DNAJC12: variants seen among roughly 807,000 people sequenced by gnomAD.
DNAJC12 encodes the protein dnaJ homolog subfamily C member 12.
Under a neutral mutation model 28.5 loss-of-function variants are expected in DNAJC12, and 25 were observed. That is an observed-to-expected ratio of 0.88 (90% CI 0.64 to 1.22). The LOEUF (loss-of-function observed/expected upper bound fraction) is 1.22. Among genes scored for constraint, DNAJC12 ranks in the 50% most tolerant of loss-of-function variants. DNAJC12 has a pLI of 0.00. For missense variants in DNAJC12, 222 were observed against 231.7 expected (o/e 0.96, Z 0.27); for synonymous variants, 77 against 80.6 (o/e 0.95, Z 0.24).
chr10:67,798,918 C>T (rs2131785403), intron 4 of DNAJC12, among the ~76,000 whole-genome samples: 1 of 152,176 alleles, frequency 6.6e-6, no homozygotes, highest in Non-Finnish European at 1.5e-5. Context: ...GCATGAGCCA[C>T]CACACCCGGC....
chr10:67,816,377 G>A (rs969391557), intron 2 of DNAJC12, among the ~76,000 whole-genome samples: 1 of 151,286 alleles, frequency 6.6e-6, no homozygotes, highest in Non-Finnish European at 1.5e-5. Flanking sequence ...TATTATATGG[G>A]GAAAAACAGT....
chr10:67,811,269 A>G, intron 3 of DNAJC12: 1 of 1,262,946 alleles, frequency 7.9e-7, no homozygotes, highest in Non-Finnish European at 1.0e-6. Flanking sequence ...AATAACAGGG[A>G]GTGTGTATAC....
intron 1 of DNAJC12, among the ~76,000 whole-genome samples, chr10:67,828,263 A>G (rs1285446139): frequency 6.6e-6 from 1 of 152,066 alleles, no homozygotes. Flanking sequence ...TGAGACATAT[A>G]TGTTTGTATG....
At position 67,833,310 on chromosome 10, in the gene DNAJC12, G is replaced by A. The variant is rs77971015; in HGVS notation, c.78+4624C>T. Among the ~76,000 whole-genome samples the A allele has an allele frequency of 7.0e-3, 1,068 of 152,266 alleles. 16 individuals carry two copies. The highest frequency in any genetic ancestry group is 0.024 in the African/African-American group (1,002 of 41,544). ...TCTATGGCTGTTTTCTCCAATGGCA[G>A]AGCTGAGTAGTTAGGACAGAGACTG... On this transcript the variant is annotated intron_variant, in intron 1 of 4. Transcript: ENST00000225171.
chr10:67,826,968 CATG>C (rs1056061357), intron 1 of DNAJC12, among the ~76,000 whole-genome samples: 37 of 131,904 alleles, frequency 2.8e-4, no homozygotes, highest in Admixed American at 5.2e-4. Flanking sequence ...TTATATATAT[CATG>C]ATATATTATA....
At chr10:67,807,760 A>G (rs1841818041) in intron 3 of DNAJC12, among the ~76,000 whole-genome samples, 1 of 152,216 alleles carries the variant, frequency 6.6e-6, no homozygotes, top group Non-Finnish European at 1.5e-5. Flanking sequence ...TCTTGAAATC[A>G]AAGTACCTGT....
chr10:67,836,705 A>G (rs1226208799), intron 1 of DNAJC12, among the ~76,000 whole-genome samples: 3 of 152,108 alleles, frequency 2.0e-5, no homozygotes, highest in Admixed American at 6.6e-5. Flanking sequence ...TTTAATTTCA[A>G]CGTGTCTAAG....
chr10:67,823,827 A>G (rs973837207), intron 1 of DNAJC12, among the ~76,000 whole-genome samples: 7 of 152,192 alleles, frequency 4.6e-5, no homozygotes, highest in African/African-American at 1.7e-4. Context: ...TTTTTCCTCT[A>G]AGAAATAATA....
chr10:67,809,498 A>T (rs929765817), intron 3 of DNAJC12, among the ~76,000 whole-genome samples: 1 of 152,178 alleles, frequency 6.6e-6, no homozygotes, highest in Non-Finnish European at 1.5e-5. Context: ...TATTTTTACC[A>T]ATTAAACTAG....
At chr10:67,836,742 G>A (rs1023719621) in intron 1 of DNAJC12, among the ~76,000 whole-genome samples, 1 of 151,982 alleles carries the variant, frequency 6.6e-6, no homozygotes, top group Non-Finnish European at 1.5e-5. Flanking sequence ...GGCAAAAATA[G>A]AGATTTTAAT....
intron 3 of DNAJC12, 42 bp downstream of exon 3, chr10:67,811,482 C>T (rs1841857501): frequency 6.2e-7 from 1 of 1,612,656 alleles, no homozygotes; most frequent in Non-Finnish European, 8.5e-7. Context: ...CATGGGCATC[C>T]TGAGCTTCAC....
chr10:67,821,242 C>T (rs561114612), intron 2 of DNAJC12, among the ~76,000 whole-genome samples: 1 of 152,144 alleles, frequency 6.6e-6, no homozygotes, highest in African/African-American at 2.4e-5. Flanking sequence ...TAAGGCCAGG[C>T]ACAGTGACTA....
chr10:67,811,853 G>C (rs998242029), intron 2 of DNAJC12, among the ~76,000 whole-genome samples, 190 bp from the exon 3 acceptor site: 8 of 152,090 alleles, frequency 5.3e-5, no homozygotes, highest in African/African-American at 1.9e-4. Flanking sequence ...TAAAGTGCTC[G>C]GCACAGTTTA....
intron 1 of DNAJC12, chr10:67,833,911 A>G: frequency 2.1e-6 from 1 of 479,780 alleles, no homozygotes; most frequent in South Asian, 1.5e-5. Context: ...GGTGGCTATT[A>G]CTGAGGTGAG....
intron 4 of DNAJC12, among the ~76,000 whole-genome samples, chr10:67,801,915 G>A (rs1294823951): frequency 7.9e-6 from 1 of 126,994 alleles, no homozygotes; most frequent in Non-Finnish European, 1.6e-5. Context: ...AGGCTGGAGT[G>A]CAGTGGCAGG....
chr10:67,837,413 C>G (rs563587709), intron 1 of DNAJC12, among the ~76,000 whole-genome samples: 31 of 152,198 alleles, frequency 2.0e-4, no homozygotes, highest in African/African-American at 7.0e-4. Flanking sequence ...GTTTCAGAAG[C>G]CACCCTTTCA....
intron 3 of DNAJC12, among the ~76,000 whole-genome samples, chr10:67,806,702 G>A (rs1841804593): frequency 6.6e-6 from 1 of 152,008 alleles, no homozygotes. Flanking sequence ...GTGCACACCT[G>A]TAATCCCAGC....
chr10:67,831,181 C>G (rs1368562869), intron 1 of DNAJC12, among the ~76,000 whole-genome samples: 1 of 152,156 alleles, frequency 6.6e-6, no homozygotes, highest in Non-Finnish European at 1.5e-5. Flanking sequence ...GGGTGAGAAT[C>G]TGTCTCAAAA....
rs572543711 is a variant in DNAJC12, at chr10:67,837,839, G to A, written c.78+95C>T. The A allele has an allele frequency of 7.8e-6, 7 of 891,746 alleles. No homozygotes were observed. The East Asian group carries it at 1.7e-4, about 22-fold the overall frequency. The allele number at this position is 891,746 out of a possible 1,614,324, so 55.2% of individuals were successfully genotyped here. On this transcript the variant is annotated intron_variant, in intron 1 of 4. Coordinates refer to ENST00000225171, the MANE Select transcript of DNAJC12 (RefSeq NM_021800.3). ...ACAAGGTTAGGTTTGTAGGCAATGT[G>A]ACTAAAAATTCAAAGTTAAAACCTT...
Sources: gnomAD v4.1 joint callset for allele counts (sites outside exome capture counted in the v4.1 genomes callset) on GRCh38, gnomAD v4.1.1 for gene constraint, MANE v1.5 for transcripts, NCBI Gene and HGNC (gene_info 2026-07-23, HGNC 2026-07-21) for gene names.